Variants in FARS2 observed in about 807,000 individuals in gnomAD.
The protein encoded by FARS2 is phenylalanyl-tRNA synthetase 2, mitochondrial.
In FARS2, 40 loss-of-function variants were observed where a neutral mutation model predicts 46.4. The ratio of observed to expected loss-of-function variants is 0.86; its 90% confidence interval spans 0.67 to 1.12. FARS2 has a LOEUF of 1.12. FARS2 is among the 50% of genes most tolerant of loss of function. The pLI is 0.00. For synonymous variants in FARS2, 234 were observed against 214.9 expected (o/e 1.09, Z -0.78); for missense variants, 513 against 567.9 (o/e 0.90, Z 0.98).
At chr6:5,387,763 T>G (rs1014971755) in intron 2 of FARS2, among the ~76,000 whole-genome samples, 1 of 152,220 alleles carries the variant, frequency 6.6e-6, no homozygotes, top group Non-Finnish European at 1.5e-5. Flanking sequence ...TCTTTCATGT[T>G]GGTTACAAAT....
intron 1 of FARS2, among the ~76,000 whole-genome samples, chr6:5,268,688 C>T (rs1765723720): frequency 6.6e-6 from 1 of 152,144 alleles, no homozygotes; most frequent in African/African-American, 2.4e-5. Context: ...GCAATGCGGG[C>T]TCTTTTTTGG....
At chr6:5,643,394 G>A (rs931874852) in intron 6 of FARS2, among the ~76,000 whole-genome samples, 5 of 152,160 alleles carry the variant, frequency 3.3e-5, no homozygotes, top group Admixed American at 6.5e-5. Context: ...AAGGGCAGAC[G>A]ACGAATATAA....
At chr6:5,664,197 C>T (rs1388560361) in intron 6 of FARS2, among the ~76,000 whole-genome samples, 8 of 152,214 alleles carry the variant, frequency 5.3e-5, no homozygotes, top group African/African-American at 1.7e-4. Context: ...GAAATGGTTT[C>T]ATCTCTATGC....
chr6:5,457,532 T>G (rs1181749368), intron 4 of FARS2, among the ~76,000 whole-genome samples: 6 of 152,252 alleles, frequency 3.9e-5, no homozygotes, highest in African/African-American at 1.2e-4. Flanking sequence ...TTACCACATT[T>G]TACCTTTTGA....
At chr6:5,715,701 A>G (rs1216525199) in intron 6 of FARS2, among the ~76,000 whole-genome samples, 2 of 152,228 alleles carry the variant, frequency 1.3e-5, no homozygotes, top group South Asian at 2.1e-4. Context: ...TGAATATGCC[A>G]TACTTATCCA....
Position 5,727,020 on chromosome 6 carries a change from C to T in FARS2, c.1218-44271C>T, listed in dbSNP as rs990193327. On this transcript the variant is annotated intron_variant, in intron 6 of 6. Transcript: ENST00000274680. This position sits in a 1 kb window ranked among gnomAD's most constrained non-coding sequence, Gnocchi z 4.1. ...CCGCTGTCAACTGCAAATGGTATGGCCTTGGGTCAGATACTTGGCCTCATT... is the reference window on the plus strand; with the variant it reads ...CCGCTGTCAACTGCAAATGGTATGGTCTTGGGTCAGATACTTGGCCTCATT... 6.6e-6 allele frequency among the ~76,000 whole-genome samples: 1 copy of T among 152,240 alleles called. No individual in the cohort carries two copies.
chr6:5,341,058 G>C (rs1237115172), intron 1 of FARS2, among the ~76,000 whole-genome samples: 3 of 150,850 alleles, frequency 2.0e-5, no homozygotes, highest in African/African-American at 7.3e-5. Context: ...TGAGGCAGGA[G>C]AATCGCTTGA....
chr6:5,637,167 T>A (rs968800672), intron 6 of FARS2, among the ~76,000 whole-genome samples: 1 of 152,206 alleles, frequency 6.6e-6, no homozygotes, highest in Non-Finnish European at 1.5e-5. Flanking sequence ...AACCCAGAGC[T>A]GACAGGGAGC....
At chr6:5,479,235 C>T (rs1173589632) in intron 4 of FARS2, among the ~76,000 whole-genome samples, 1 of 152,204 alleles carries the variant, frequency 6.6e-6, no homozygotes, top group Admixed American at 6.5e-5. Context: ...CTTGGGGTTA[C>T]AACATTTAAC....
intron 4 of FARS2, among the ~76,000 whole-genome samples, chr6:5,532,780 T>TAAGAAGAAGAAGAAGAAGAAGAAG (rs1441043690): frequency 2.1e-4 from 31 of 146,514 alleles, no homozygotes; most frequent in African/African-American, 8.2e-4. Context: ...ATAATAATAA[T>TAAGAAGAAGAAGAAGAAGAAGAAG]AATAAGAAGA....
the FARS2 span, among the ~76,000 whole-genome samples, chr6:5,252,623 A>G: frequency 6.6e-6 from 1 of 152,124 alleles, no homozygotes; most frequent in Non-Finnish European, 1.5e-5. Flanking sequence ...TTCACTAGAG[A>G]TGCTAGAATA....
At chr6:5,724,342 A>G (rs186189270) in intron 6 of FARS2, among the ~76,000 whole-genome samples, 153 of 152,318 alleles carry the variant, frequency 1.0e-3, no homozygotes, top group Non-Finnish European at 1.8e-4. Context: ...CACACAGGAA[A>G]TGACAGGGGA....
intron 4 of FARS2, among the ~76,000 whole-genome samples, chr6:5,497,237 C>A (rs1159451571): frequency 2.0e-5 from 3 of 152,056 alleles, no homozygotes; most frequent in Non-Finnish European, 4.4e-5. Flanking sequence ...TAAAAATGAT[C>A]CTGTTTGAAA....
At chr6:5,270,334 G>A (rs1765857398) in intron 1 of FARS2, among the ~76,000 whole-genome samples, 3 of 151,654 alleles carry the variant, frequency 2.0e-5, no homozygotes, top group Admixed American at 2.0e-4. Flanking sequence ...TACACCCTTG[G>A]CTTCTGCGTA....
At chr6:5,614,295 C>T (rs116228486) in intron 6 of FARS2, among the ~76,000 whole-genome samples, 2,236 of 152,274 alleles carry the variant, frequency 0.015, 58 homozygotes, top group African/African-American at 0.051. Context: ...CTAATTCACA[C>T]CTCCATTTTC....
chr6:5,656,523 C>T (rs1273662510), intron 6 of FARS2, among the ~76,000 whole-genome samples: 5 of 116,302 alleles, frequency 4.3e-5, no homozygotes, highest in Admixed American at 8.8e-5. Context: ...AAACTCTTGA[C>T]TCTCAACCAT....
intron 2 of FARS2, among the ~76,000 whole-genome samples, chr6:5,385,093 A>T (rs7770766): frequency 6.6e-6 from 1 of 152,096 alleles, no homozygotes. Context: ...GGGACTTCCC[A>T]TAGAGACCTT....
At chr6:5,728,970 T>C (rs116809109) in intron 6 of FARS2, among the ~76,000 whole-genome samples, 7,347 of 152,258 alleles carry the variant, frequency 0.048, 598 homozygotes, top group African/African-American at 0.17. Flanking sequence ...CACTGGCTGG[T>C]GTGCTCTTGA....
In FARS2 at chr6:5,713,351, A is replaced by C. The variant is rs1759297824; in HGVS notation, c.1218-57940A>C. 2.0e-5 allele frequency among the ~76,000 whole-genome samples: 3 copies of C among 152,250 alleles called. No homozygotes were observed. In the South Asian group the frequency reaches 6.2e-4, roughly 32 times the overall value. On this transcript the variant is annotated intron_variant, in intron 6 of 6. Transcript: ENST00000274680. The stretch of plus-strand genomic sequence containing the variant: ...CCAGGGGAATACAAAGAGCTTATGC[A>C]AGTCAATTGTAAAATCACTACTTAT...
Sources: allele counts gnomAD v4.1 joint callset (sites outside exome capture counted in the v4.1 genomes callset), GRCh38; gene constraint gnomAD v4.1.1; non-coding constraint Gnocchi (gnomAD v3.1); transcripts MANE v1.5; gene names NCBI Gene and HGNC (gene_info 2026-07-23, HGNC 2026-07-21).